ACOT7: variants seen among roughly 807,000 people sequenced by gnomAD.
The protein encoded by ACOT7 is acyl-CoA thioesterase 7.
A neutral mutation model predicts 40.2 loss-of-function variants in ACOT7; 12 were observed. That is an observed-to-expected ratio of 0.30 (90% confidence interval 0.19 to 0.48). ACOT7 has a LOEUF of 0.48. Ranked by LOEUF, ACOT7 falls within the 20% of genes least tolerant of loss-of-function variation. The pLI, the probability that ACOT7 is intolerant of heterozygous loss-of-function variation, is 0.99. For missense variants in ACOT7, 395 were observed against 530.8 expected (o/e 0.74, Z 2.51); for synonymous variants, 228 against 219.5 (o/e 1.04, Z -0.34).
intron 2 of ACOT7, among the ~76,000 whole-genome samples, chr1:6,342,576 T>TC (rs1318586023): frequency 3.3e-5 from 5 of 152,340 alleles, no homozygotes; most frequent in African/African-American, 1.2e-4. Flanking sequence ...CAAGCGATCC[T>TC]CCAGCCTCAG....
intron 1 of ACOT7, among the ~76,000 whole-genome samples, chr1:6,360,229 C>G (rs114397382): frequency 6.6e-6 from 1 of 152,372 alleles, no homozygotes; most frequent in African/African-American, 2.4e-5. Context: ...TAGAAGCCAG[C>G]AGAGGAGAGG....
intron 1 of ACOT7, among the ~76,000 whole-genome samples, chr1:6,388,289 T>G (rs1189343769): frequency 6.6e-6 from 1 of 151,902 alleles, no homozygotes; most frequent in Non-Finnish European, 1.5e-5. Flanking sequence ...TTTTGTATTT[T>G]TAGTAGAGAT....
chr1:6,285,517 C>T (rs1269113960), intron 7 of ACOT7, among the ~76,000 whole-genome samples: 1 of 152,280 alleles, frequency 6.6e-6, no homozygotes, highest in Non-Finnish European at 1.5e-5. Flanking sequence ...GCTAATTCCT[C>T]CATGGCGCAG....
rs1294221753 is a variant in ACOT7, at chr1:6,294,416, C to T, written c.829+448G>A. Among the ~76,000 whole-genome samples, 1 of 152,246 alleles carries T rather than the reference C, an allele frequency of 6.6e-6. No individual in the cohort carries two copies. Among genetic ancestry groups the T allele is most frequent in the Non-Finnish European group, 1.5e-5 (1 of 68,048 alleles). ...GAAAAACCACCCAATGCCAGTGCTG[C>T]CCTGGGTGGCGTGGGCAGGGCTGGC... On this transcript the variant is annotated intron_variant, in intron 7 of 8. Transcript: ENST00000361521. The surrounding 1 kb of genome is among the most constrained non-coding windows in gnomAD (Gnocchi z 4.6).
At position 6,358,754 on chromosome 1, in the gene ACOT7, T is replaced by C. The variant is rs1189486333; in HGVS notation, c.144-8888A>G. On this transcript the variant is annotated intron_variant, in intron 1 of 8. Coordinates refer to ENST00000361521, the MANE Select transcript of ACOT7 (RefSeq NM_007274.4). The surrounding 1 kb of genome is among the most constrained non-coding windows in gnomAD (Gnocchi z 4.1). ...CGAGTCCCCTCTACCCACCCTTCCC[T>C]TCCAAATGTCCCTAAACAATCCACC... The C allele has an allele frequency of 3.3e-6, 5 of 1,506,330 alleles. No individual in the cohort carries two copies. Among genetic ancestry groups the C allele is most frequent in the Non-Finnish European group, 4.6e-6 (5 of 1,084,786 alleles). 93.3% of individuals were successfully genotyped at this position (1,506,330 alleles called of 1,614,324 possible).
At chr1:6,372,554 C>CTTTTTTTTTTTT (rs563026803) in intron 1 of ACOT7, among the ~76,000 whole-genome samples, 4 of 128,606 alleles carry the variant, frequency 3.1e-5, no homozygotes, top group African/African-American at 9.0e-5. Flanking sequence ...TAACTTTTGG[C>CTTTTTTTTTTTT]TTTTTTTTTT....
chr1:6,307,715 G>T (rs1464586563), intron 6 of ACOT7, among the ~76,000 whole-genome samples: 2 of 151,894 alleles, frequency 1.3e-5, no homozygotes, highest in East Asian at 3.9e-4. Flanking sequence ...ACAACAGGCG[G>T]AGGGAACCAC....
intron 8 of ACOT7, among the ~76,000 whole-genome samples, chr1:6,270,423 C>T (rs1638996641): frequency 6.6e-6 from 1 of 152,212 alleles, no homozygotes; most frequent in Non-Finnish European, 1.5e-5. Flanking sequence ...GTGGTGCCAG[C>T]TGCCGGGCAC....
At chr1:6,350,480 G>A (rs1178927776) in intron 1 of ACOT7, among the ~76,000 whole-genome samples, 1 of 152,228 alleles carries the variant, frequency 6.6e-6, no homozygotes, top group African/African-American at 2.4e-5. Context: ...GAATGGAAAC[G>A]CCACCTCACT....
At chr1:6,379,958 T>C (rs993713026) in intron 1 of ACOT7, among the ~76,000 whole-genome samples, 6 of 151,594 alleles carry the variant, frequency 4.0e-5, no homozygotes, top group Non-Finnish European at 5.9e-5. Flanking sequence ...CCTAGCTCCT[T>C]GGGAAGTTGA....
intron 1 of ACOT7, among the ~76,000 whole-genome samples, chr1:6,367,003 G>C (rs1316140988): frequency 1.3e-5 from 2 of 151,964 alleles, no homozygotes; most frequent in Non-Finnish European, 2.9e-5. Flanking sequence ...TGGAGACCAT[G>C]ATGGCTAACA....
At chr1:6,370,777 G>A (rs1642118511) in intron 1 of ACOT7, among the ~76,000 whole-genome samples, 1 of 151,010 alleles carries the variant, frequency 6.6e-6, no homozygotes. Flanking sequence ...ACAGGCATGA[G>A]TCACCACGCA....
rs1571267450 is a variant in ACOT7, at chr1:6,282,521, G to A, written c.830-1235C>T. Reference sequence around the variant, plus strand: ...CTCCCCAGGAAATATATCTGGCTTCGGGGACTTTTTAATGTGGCCTCTGGA... The same window carrying A: ...CTCCCCAGGAAATATATCTGGCTTCAGGGACTTTTTAATGTGGCCTCTGGA... On this transcript the variant is annotated intron_variant, in intron 7 of 8. Transcript: ENST00000361521. This position sits in a 1 kb window ranked among gnomAD's most constrained non-coding sequence, Gnocchi z 4.5. Among the ~76,000 whole-genome samples the A allele has an allele frequency of 1.3e-5, 2 of 152,140 alleles. No homozygotes were observed. The highest frequency in any genetic ancestry group is 1.9e-4 in the East Asian group (1 of 5,188).
At chr1:6,285,824 G>A (rs543689366) in intron 7 of ACOT7, among the ~76,000 whole-genome samples, 13 of 152,344 alleles carry the variant, frequency 8.5e-5, no homozygotes, top group Non-Finnish European at 1.6e-4. Flanking sequence ...CACAAAGTCT[G>A]CCTTGATTCA....
chr1:6,298,332 A>G (rs2745375), intron 6 of ACOT7, among the ~76,000 whole-genome samples: 150,785 of 152,240 alleles, frequency 0.99, 74,678 homozygotes, highest in Middle Eastern at 1. Flanking sequence ...TCGGGGTTTC[A>G]CCATGTTGAC....
intron 1 of ACOT7, among the ~76,000 whole-genome samples, chr1:6,386,794 G>A (rs1409283975): frequency 6.6e-6 from 1 of 152,120 alleles, no homozygotes; most frequent in African/African-American, 2.4e-5. Context: ...AGAAGGTTGG[G>A]GCTGCAGAGA....
At chr1:6,339,305 G>T in intron 3 of ACOT7, 128 bp downstream of exon 3, 1 of 1,309,380 alleles carries the variant, frequency 7.6e-7, no homozygotes. Context: ...GGCCATGGTG[G>T]GAGGTGAGAG....
intron 1 of ACOT7, among the ~76,000 whole-genome samples, chr1:6,375,483 C>T (rs891944487): frequency 3.4e-4 from 51 of 151,856 alleles, no homozygotes; most frequent in African/African-American, 1.1e-3. Flanking sequence ...GTCTGGCCAA[C>T]GTAGAGAAAC....
chr1:6,354,393 A>AG (rs1257884252), intron 1 of ACOT7, among the ~76,000 whole-genome samples: 1 of 152,254 alleles, frequency 6.6e-6, no homozygotes, highest in African/African-American at 2.4e-5. Context: ...AGGAGTGCCC[A>AG]GCGAGCTCCA....
Sources: allele counts gnomAD v4.1 joint callset (sites outside exome capture counted in the v4.1 genomes callset), GRCh38; gene constraint gnomAD v4.1.1; non-coding constraint Gnocchi (gnomAD v3.1); transcripts MANE v1.5; gene names NCBI Gene and HGNC (gene_info 2026-07-23, HGNC 2026-07-21).